The following TESK2 variants were observed in gnomAD, a reference collection of about 807,000 sequenced individuals.
The protein encoded by TESK2 is dual specificity testis-specific protein kinase 2.
Under a neutral mutation model 57.1 loss-of-function variants are expected in TESK2, and 39 were observed. The ratio of observed to expected loss-of-function variants is 0.68; its 90% CI spans 0.53 to 0.89. TESK2 has a LOEUF of 0.89. TESK2 is among the 40% of genes least tolerant of loss of function. TESK2 has a pLI of 0.00. For missense variants in TESK2, 646 were observed against 732.1 expected (o/e 0.88, Z 1.36); for synonymous variants, 249 against 267.9 (o/e 0.93, Z 0.69).
At chr1:45,481,096 T>G (rs560025773) in intron 1 of TESK2, among the ~76,000 whole-genome samples, 1 of 152,024 alleles carries the variant, frequency 6.6e-6, no homozygotes, top group South Asian at 2.1e-4. Context: ...CCGGGCCTGG[T>G]GGCTCACGCC....
chr1:45,405,234 GT>G (rs1178841147), intron 3 of TESK2, among the ~76,000 whole-genome samples: 1 of 151,966 alleles, frequency 6.6e-6, no homozygotes, highest in Non-Finnish European at 1.5e-5. Context: ...TTCCAAACTT[GT>G]TTATCCAACT....
At chr1:45,422,756 T>TGTTGTTG (rs1553152247) in intron 2 of TESK2, among the ~76,000 whole-genome samples, 288 of 8,840 alleles carry the variant, frequency 0.033, 1 homozygote, top group African/African-American at 0.056. Flanking sequence ...TCATGTCTGG[T>TGTTGTTG]TTTTTGTTGT....
intron 1 of TESK2, among the ~76,000 whole-genome samples, chr1:45,462,177 G>A (rs765639104): frequency 3.3e-5 from 5 of 152,052 alleles, no homozygotes; most frequent in Non-Finnish European, 5.9e-5. Context: ...TCAGCAATGC[G>A]TAAGAACATG....
rs149120113 is a variant in TESK2 at position 45,448,013 on chromosome 1, A to ATG, written c.222+9549_222+9550dup. Among the ~76,000 whole-genome samples, 611 of 148,320 alleles carry ATG rather than the reference A, an allele frequency of 4.1e-3. 3 individuals carry two copies. Among genetic ancestry groups the ATG allele is most frequent in the Middle Eastern group, 0.028 (8 of 290 alleles). ...TCACATTCACAGATAGGAAGACTCA[A>ATG]TGTGTGTGTGTGTGTGTGTGTATTT... On this transcript the variant is annotated intron_variant, in intron 2 of 10. Transcript: ENST00000372086.
rs1309900891 is a variant in TESK2 at position 45,402,140 on chromosome 1, A to T, written c.345-16180T>A. Among the ~76,000 whole-genome samples the T allele has an allele frequency of 4.3e-4, 65 of 151,912 alleles. No homozygotes were observed. In the East Asian group the frequency reaches 0.012, roughly 28 times the overall value. On this transcript the variant is annotated intron_variant, in intron 3 of 10. Coordinates refer to ENST00000372086, the MANE Select transcript of TESK2 (RefSeq NM_007170.3). ...CACAGTGACTCACACCTGTAATCCC[A>T]GCACTTTGGGAGATCAAGGTGGGAG...
At chr1:45,356,100 T>C (rs1647409384) in intron 4 of TESK2, among the ~76,000 whole-genome samples, 1 of 151,654 alleles carries the variant, frequency 6.6e-6, no homozygotes, top group Admixed American at 6.6e-5. Flanking sequence ...GAAAGGGAAA[T>C]AGGAGATTAC....
At chr1:45,487,238 A>C (rs1653526446) in intron 1 of TESK2, among the ~76,000 whole-genome samples, 1 of 152,178 alleles carries the variant, frequency 6.6e-6, no homozygotes, top group South Asian at 2.1e-4. Context: ...AGAATAACAC[A>C]TCATACATCC....
chr1:45,415,579 A>G (rs563818256), intron 3 of TESK2, among the ~76,000 whole-genome samples: 1 of 152,324 alleles, frequency 6.6e-6, no homozygotes, highest in East Asian at 1.9e-4. Context: ...CAAAGGCTAT[A>G]ATAGGCCACT....
chr1:45,456,187 C>A (rs1425636813), intron 2 of TESK2, among the ~76,000 whole-genome samples: 1 of 150,516 alleles, frequency 6.6e-6, no homozygotes, highest in Non-Finnish European at 1.5e-5. Flanking sequence ...CAGAGCGAAA[C>A]CCTGTCTCAA....
intron 3 of TESK2, among the ~76,000 whole-genome samples, chr1:45,399,845 T>C (rs1415469123): frequency 6.6e-6 from 1 of 152,094 alleles, no homozygotes; most frequent in Non-Finnish European, 1.5e-5. Context: ...GCATTATCCG[T>C]TGGAGTATGG....
chr1:45,465,535 A>G (rs1208511145), intron 1 of TESK2, among the ~76,000 whole-genome samples: 1 of 148,468 alleles, frequency 6.7e-6, no homozygotes, highest in African/African-American at 2.6e-5. Context: ...AGAGAAAAAG[A>G]AAGAAAGAAA....
chr1:45,396,049 A>T (rs1020095170), intron 3 of TESK2, among the ~76,000 whole-genome samples: 3 of 151,944 alleles, frequency 2.0e-5, no homozygotes, highest in Non-Finnish European at 4.4e-5. Flanking sequence ...ATCATAGCTC[A>T]CTGCAGCCTC....
At chr1:45,490,033 C>A (rs1275324124) in intron 1 of TESK2, among the ~76,000 whole-genome samples, 1 of 152,154 alleles carries the variant, frequency 6.6e-6, no homozygotes, top group East Asian at 1.9e-4. Context: ...AATTTCGGGC[C>A]ATTCCCTCCC....
At position 45,355,498 on chromosome 1, in the gene TESK2, G is replaced by A. The variant is rs1647382659; in HGVS notation, c.394-49C>T. 3 of 1,576,440 alleles carry A rather than the reference G, an allele frequency of 1.9e-6. No homozygotes were observed. In the African/African-American group the frequency reaches 4.1e-5, roughly 22 times the overall value. On this transcript the variant is annotated intron_variant, in intron 4 of 10. Transcript: ENST00000372086. ...GCTACCATTTATCAGAAATATTTAG[G>A]CTAGTGGTGAAACCATTAGAGAGTA... is the stretch of plus-strand genomic sequence containing the variant.
intron 1 of TESK2, among the ~76,000 whole-genome samples, chr1:45,480,067 C>A (rs1653154763): frequency 1.3e-5 from 1 of 75,802 alleles, no homozygotes; most frequent in Non-Finnish European, 2.4e-5. Flanking sequence ...GGTGATCCAC[C>A]CGCCTCAGCC....
At chr1:45,395,124 C>G (rs1649307653) in intron 3 of TESK2, among the ~76,000 whole-genome samples, 1 of 152,180 alleles carries the variant, frequency 6.6e-6, no homozygotes, top group Non-Finnish European at 1.5e-5. Flanking sequence ...TGCCTTTTCT[C>G]AGACTGTTCC....
chr1:45,470,420 T>A (rs1425047135), intron 1 of TESK2, among the ~76,000 whole-genome samples: 1 of 152,228 alleles, frequency 6.6e-6, no homozygotes, highest in Non-Finnish European at 1.5e-5. Context: ...GAGCTTACCT[T>A]CCTGCTGTGA....
chr1:45,471,989 C>T (rs187490935), intron 1 of TESK2, among the ~76,000 whole-genome samples: 17 of 152,200 alleles, frequency 1.1e-4, no homozygotes, highest in African/African-American at 3.1e-4. Flanking sequence ...CAGTGGCTCA[C>T]GCCTGTAATC....
intron 3 of TESK2, among the ~76,000 whole-genome samples, chr1:45,420,403 TA>T (rs1650423257): frequency 1.4e-4 from 1 of 6,980 alleles, no homozygotes; most frequent in Non-Finnish European, 0.011. Flanking sequence ...TATACCTGGC[TA>T]ATTTTTTTTT....
Sources: gnomAD v4.1 joint callset for allele counts (sites outside exome capture counted in the v4.1 genomes callset) on GRCh38, gnomAD v4.1.1 for gene constraint, MANE v1.5 for transcripts, NCBI Gene and HGNC (gene_info 2026-07-23, HGNC 2026-07-21) for gene names.